Variants in ARHGAP10 observed in about 807,000 individuals in gnomAD.
ARHGAP10 encodes the protein rho GTPase-activating protein 10.
ARHGAP10 carries 87 observed loss-of-function variants against 108.6 expected under a neutral mutation model. The observed-to-expected ratio is 0.80, with a 90% confidence interval of 0.67 to 0.96. The LOEUF (loss-of-function observed/expected upper bound fraction) is 0.96, where lower values mean the gene tolerates loss of function less well. ARHGAP10 is among the 40% of genes least tolerant of loss of function. The pLI is 0.00. For synonymous variants in ARHGAP10, 347 were observed against 341.1 expected (o/e 1.02, Z -0.19); for missense variants, 939 against 954.5 (o/e 0.98, Z 0.21).
At chr4:147,798,055 T>G (rs1205919723) in intron 1 of ARHGAP10, among the ~76,000 whole-genome samples, 1 of 152,246 alleles carries the variant, frequency 6.6e-6, no homozygotes, top group Non-Finnish European at 1.5e-5. Flanking sequence ...CAGGTGTTTC[T>G]TAAGTGGCAG....
At chr4:148,008,860 T>C (rs1439593863) in intron 18 of ARHGAP10, among the ~76,000 whole-genome samples, 1 of 152,066 alleles carries the variant, frequency 6.6e-6, no homozygotes, top group Non-Finnish European at 1.5e-5. Flanking sequence ...ATTAAAACAT[T>C]GAATGCAGAA....
intron 10 of ARHGAP10, among the ~76,000 whole-genome samples, chr4:147,887,163 T>C (rs905924293): frequency 1.3e-5 from 2 of 152,182 alleles, no homozygotes; most frequent in Admixed American, 6.5e-5. Context: ...CTTTGTGTCC[T>C]ATTTTGTTGT....
At chr4:147,998,658 G>A (rs1365462667) in intron 18 of ARHGAP10, among the ~76,000 whole-genome samples, 3 of 152,224 alleles carry the variant, frequency 2.0e-5, no homozygotes, top group Non-Finnish European at 2.9e-5. Flanking sequence ...ATGATATTGA[G>A]CCACAAGCAT....
intron 14 of ARHGAP10, among the ~76,000 whole-genome samples, chr4:147,942,397 G>A (rs1039275137): frequency 6.6e-6 from 1 of 152,064 alleles, no homozygotes; most frequent in Non-Finnish European, 1.5e-5. Context: ...AAAGTACTTT[G>A]TATTGTTTGT....
chr4:148,055,305 G>A (rs1271922213), intron 20 of ARHGAP10, among the ~76,000 whole-genome samples: 2 of 152,196 alleles, frequency 1.3e-5, no homozygotes, highest in African/African-American at 4.8e-5. Context: ...AGGACTGAGT[G>A]TTAAACATGG....
At chr4:147,901,820 G>A (rs972967409) in intron 10 of ARHGAP10, among the ~76,000 whole-genome samples, 5 of 152,130 alleles carry the variant, frequency 3.3e-5, no homozygotes, top group South Asian at 2.1e-4. Context: ...TGTATTTGCT[G>A]CTCTATGTGT....
intron 4 of ARHGAP10, among the ~76,000 whole-genome samples, chr4:147,857,214 T>C (rs1468594559): frequency 1.3e-5 from 2 of 152,250 alleles, no homozygotes; most frequent in African/African-American, 2.4e-5. Flanking sequence ...TTTTAAGCTT[T>C]ATGTTATTTT....
chr4:147,918,940 C>G (rs1448278172), intron 13 of ARHGAP10, among the ~76,000 whole-genome samples: 2 of 152,146 alleles, frequency 1.3e-5, no homozygotes, highest in Non-Finnish European at 2.9e-5. Flanking sequence ...TCATACTTAC[C>G]TTTTGTAGAA....
At chr4:148,023,448 T>C (rs1213258021) in intron 19 of ARHGAP10, 35 bp downstream of exon 19, 4 of 1,601,908 alleles carry the variant, frequency 2.5e-6, no homozygotes, top group Non-Finnish European at 3.4e-6. Context: ...CTTGATAGCA[T>C]GTTGAGAGTA....
chr4:148,029,140 A>T (rs1241345591), intron 19 of ARHGAP10, among the ~76,000 whole-genome samples: 1 of 152,246 alleles, frequency 6.6e-6, no homozygotes, highest in East Asian at 1.9e-4. Flanking sequence ...GTCAGTAGAA[A>T]GAGAGAAATA....
At chr4:147,743,693 C>T (rs1728789606) in intron 1 of ARHGAP10, among the ~76,000 whole-genome samples, 1 of 152,174 alleles carries the variant, frequency 6.6e-6, no homozygotes. Context: ...AGGAGAATCG[C>T]TTGAATCCGG....
chr4:147,793,740 G>A lies in ARHGAP10; in HGVS notation c.155-28987G>A, dbSNP rs757781156. 2.4e-4 allele frequency among the ~76,000 whole-genome samples: 36 copies of A among 152,156 alleles called. 1 individual carries two copies. The highest frequency in any genetic ancestry group is 5.9e-5 in the Non-Finnish European group (4 of 68,030). Reference sequence around the variant, plus strand: ...GGAGCCATGGATCCTCCTCTGCTGAGGCGCCTTGCAGAAACAAATCATCCG... The same window carrying A: ...GGAGCCATGGATCCTCCTCTGCTGAAGCGCCTTGCAGAAACAAATCATCCG... On this transcript the variant is annotated intron_variant, in intron 1 of 22. Transcript: ENST00000336498.
rs764962464 is a variant in ARHGAP10 at position 147,879,253 on chromosome 4, G to T, written c.854G>T (p.Ser285Ile). Residue 285 changes from serine (S) to isoleucine (I), a missense_variant, in exon 9 of 23, where the codon AGT becomes ATT. Transcript: ENST00000336498. ...GAAGGGCCTGCTCCGTTTGGTTCCAGTTGGGTCAAACACTATTGCATGTAT... is the reference window on the plus strand; with the variant it reads ...GAAGGGCCTGCTCCGTTTGGTTCCATTTGGGTCAAACACTATTGCATGTAT... ...QEKRPAPFGS[S>I]WVKHYCMYRK... The T allele has an allele frequency of 1.2e-6, 2 of 1,613,742 alleles. No individual in the cohort carries two copies. Among genetic ancestry groups the T allele is most frequent in the South Asian group, 1.1e-5 (1 of 91,044 alleles).
chr4:147,889,680 G>A (rs1735713338), intron 10 of ARHGAP10, among the ~76,000 whole-genome samples: 1 of 152,008 alleles, frequency 6.6e-6, no homozygotes, highest in African/African-American at 2.4e-5. Flanking sequence ...TTCTTTACAA[G>A]TATCTGTTTT....
chr4:147,810,370 A>T (rs916781305), intron 1 of ARHGAP10, among the ~76,000 whole-genome samples: 3 of 152,218 alleles, frequency 2.0e-5, no homozygotes, highest in African/African-American at 7.2e-5. Flanking sequence ...CATTATCCCC[A>T]TTATTATCAT....
chr4:147,953,210 T>C (rs1489913333), intron 15 of ARHGAP10, among the ~76,000 whole-genome samples: 2 of 152,170 alleles, frequency 1.3e-5, no homozygotes. Flanking sequence ...ATGAGTGATA[T>C]TGGTCTGTAG....
Position 147,914,251 on chromosome 4 carries a change from A to C in ARHGAP10, c.1228+1112A>C, listed in dbSNP as rs569647515. Among the ~76,000 whole-genome samples, 9 of 152,326 alleles carry C rather than the reference A, an allele frequency of 5.9e-5. 1 individual carries two copies. The South Asian group carries it at 1.9e-3, about 32-fold the overall frequency. On this transcript the variant is annotated intron_variant, in intron 13 of 22. Coordinates refer to ENST00000336498, the MANE Select transcript of ARHGAP10 (RefSeq NM_024605.4). ...AGAGTTTTGAATTGAAAACATACAC[A>C]ATTGTGATACTTTATTACATACACA...
At position 147,856,727 on chromosome 4, in the gene ARHGAP10, G is replaced by A. The variant is rs113198835; in HGVS notation, c.385-826G>A. ...ATATCCAAAAATCTCTACCACTTCT[G>A]GTTCTAAGCATTTCAGAGAAGGGAT... is the stretch of plus-strand genomic sequence containing the variant. On this transcript the variant is annotated intron_variant, in intron 4 of 22. Transcript: ENST00000336498. Among the ~76,000 whole-genome samples the A allele has an allele frequency of 9.5e-3, 1,450 of 152,188 alleles. 23 individuals are homozygous for A. Among genetic ancestry groups the A allele is most frequent in the African/African-American group, 0.032 (1,324 of 41,518 alleles).
In ARHGAP10 at chr4:147,898,602, C is replaced by T. The variant is rs116577751; in HGVS notation, c.1035-8036C>T. Among the ~76,000 whole-genome samples the T allele has an allele frequency of 6.9e-3, 1,046 of 152,008 alleles. 13 individuals are homozygous for T. Among genetic ancestry groups the T allele is most frequent in the African/African-American group, 0.024 (1,004 of 41,472 alleles). On this transcript the variant is annotated intron_variant, in intron 10 of 22. Coordinates refer to ENST00000336498, the MANE Select transcript of ARHGAP10 (RefSeq NM_024605.4). ...CATTTTCTGTTTATTTTTTGGGATT[C>T]GAATTACCTTATGTCAGAGCATTTG...
Sources: allele counts gnomAD v4.1 joint callset (sites outside exome capture counted in the v4.1 genomes callset), GRCh38; gene constraint gnomAD v4.1.1; transcripts MANE v1.5; gene names NCBI Gene and HGNC (gene_info 2026-07-23, HGNC 2026-07-21).